The following TBC1D32 variants were observed in gnomAD, a reference collection of about 807,000 sequenced individuals.
TBC1D32 encodes TBC1 domain family member 32, also known as protein broad-minded.
In TBC1D32, 151 loss-of-function variants were observed where a neutral mutation model predicts 170.3. That is an observed-to-expected ratio of 0.89 (90% CI 0.78 to 1.01). The LOEUF (loss-of-function observed/expected upper bound fraction) is 1.01. Among genes scored for constraint, TBC1D32 ranks in the 50% least tolerant of loss-of-function variants. The pLI is 0.00. For missense variants in TBC1D32, 1,464 were observed against 1,457.1 expected, an observed-to-expected ratio of 1.00 and a Z score of -0.08; for synonymous variants, 498 against 488.0, an observed-to-expected ratio of 1.02 and a Z score of -0.27.
chr6:121,151,793 A>G (rs1784247464), intron 24 of TBC1D32, among the ~76,000 whole-genome samples: 1 of 152,148 alleles, frequency 6.6e-6, no homozygotes, highest in Admixed American at 6.5e-5. Flanking sequence ...GTTGGTTTAA[A>G]GTCTGTTTTA....
At chr6:121,115,901 T>C (rs183121127) in intron 26 of TBC1D32, among the ~76,000 whole-genome samples, 85 of 152,316 alleles carry the variant, frequency 5.6e-4, no homozygotes, top group Admixed American at 3.7e-3. Flanking sequence ...AGAAATAGCA[T>C]AGTACAGAGG....
At chr6:121,173,111 A>G (rs1019475331) in intron 22 of TBC1D32, among the ~76,000 whole-genome samples, 14 of 151,960 alleles carry the variant, frequency 9.2e-5, no homozygotes, top group Non-Finnish European at 7.4e-5. Context: ...AGGCAGATCC[A>G]CCCTCAGTCT....
intron 22 of TBC1D32, among the ~76,000 whole-genome samples, chr6:121,196,229 T>G (rs1827299): frequency 0.71 from 107,620 of 152,094 alleles, 42,081 homozygotes; most frequent in Non-Finnish European, 0.87. Flanking sequence ...AAGTGGCCAC[T>G]GTGGCAGGGA....
In TBC1D32 at chr6:121,325,172, A is replaced by G. The variant is rs148737626; in HGVS notation, c.156-3378T>C. ...AGTTGCAGTGAGCCGAGATTGTGCC[A>G]TTACACTCCAGCCTGGGTGACACAG... On this transcript the variant is annotated intron_variant, in intron 1 of 31. Transcript: ENST00000398212. Among the ~76,000 whole-genome samples the G allele has an allele frequency of 4.5e-3, 671 of 150,340 alleles. 2 individuals are homozygous for G. The highest frequency in any genetic ancestry group is 0.016 in the African/African-American group (648 of 40,576).
intron 1 of TBC1D32, among the ~76,000 whole-genome samples, chr6:121,328,070 T>C (rs1357806803): frequency 6.6e-6 from 1 of 152,214 alleles, no homozygotes; most frequent in Non-Finnish European, 1.5e-5. Flanking sequence ...TCCTATCCTT[T>C]CAGATCTTTA....
chr6:121,316,838 C>T (rs565703568), intron 3 of TBC1D32, among the ~76,000 whole-genome samples: 1 of 152,000 alleles, frequency 6.6e-6, no homozygotes, highest in South Asian at 2.1e-4. Context: ...ACTAAAAATA[C>T]CAGGTGAGAT....
At chr6:121,099,442 T>A (rs1450007561) in intron 30 of TBC1D32, among the ~76,000 whole-genome samples, 1 of 151,966 alleles carries the variant, frequency 6.6e-6, no homozygotes. Flanking sequence ...TCTTGCTACA[T>A]TTAATTTTTT....
intron 22 of TBC1D32, among the ~76,000 whole-genome samples, chr6:121,178,006 C>G (rs1488702739): frequency 6.6e-6 from 1 of 152,062 alleles, no homozygotes; most frequent in Non-Finnish European, 1.5e-5. Context: ...TTCCACATGC[C>G]TGGGGAAGAC....
intron 14 of TBC1D32, among the ~76,000 whole-genome samples, chr6:121,280,965 G>A (rs1802906299): frequency 6.6e-6 from 1 of 151,814 alleles, no homozygotes; most frequent in Non-Finnish European, 1.5e-5. Flanking sequence ...CCAAACTAGT[G>A]ACAATAGCAA....
At chr6:121,093,088 T>C (rs927408974) in intron 30 of TBC1D32, among the ~76,000 whole-genome samples, 4 of 152,134 alleles carry the variant, frequency 2.6e-5, no homozygotes, top group Non-Finnish European at 5.9e-5. Flanking sequence ...TAAATTAGAA[T>C]ATATCTATGA....
chr6:121,235,001 G>A (rs1796161990), intron 20 of TBC1D32, among the ~76,000 whole-genome samples: 1 of 150,452 alleles, frequency 6.6e-6, no homozygotes, highest in Non-Finnish European at 1.5e-5. Flanking sequence ...CCATCCAGCA[G>A]AGCTACCGGG....
chr6:121,307,898 G>GT, intron 5 of TBC1D32, 78 bp downstream of exon 5: 4 of 1,450,750 alleles, frequency 2.8e-6, no homozygotes, highest in Non-Finnish European at 3.7e-6. Context: ...GAAAACTATC[G>GT]TAACTATCAT....
Position 121,241,274 on chromosome 6 carries a change from C to T in TBC1D32, c.2245+191G>A, listed in dbSNP as rs541400238. Among the ~76,000 whole-genome samples the T allele has an allele frequency of 7.8e-4, 118 of 152,112 alleles. No homozygotes were observed. The Middle Eastern group carries it at 0.017, about 22-fold the overall frequency. The stretch of plus-strand genomic sequence containing the variant: ...TATATATATCACAGAAACACAAAAC[C>T]GTATTGGAATTTCATGGAAAAAGAA... On this transcript the variant is annotated intron_variant, in intron 19 of 31. Transcript: ENST00000398212.
intron 24 of TBC1D32, among the ~76,000 whole-genome samples, chr6:121,139,095 C>T (rs879598849): frequency 1.3e-5 from 2 of 152,148 alleles, no homozygotes; most frequent in Non-Finnish European, 1.5e-5. Flanking sequence ...GTCCGCCCGC[C>T]TCGGCCTCCC....
chr6:121,097,943 G>T (rs1358206817), intron 30 of TBC1D32, among the ~76,000 whole-genome samples: 1 of 151,604 alleles, frequency 6.6e-6, no homozygotes, highest in Non-Finnish European at 1.5e-5. Flanking sequence ...ACTAACACAA[G>T]AACAGAAAAC....
At chr6:121,219,882 G>A (rs1008665818) in intron 21 of TBC1D32, among the ~76,000 whole-genome samples, 7 of 152,058 alleles carry the variant, frequency 4.6e-5, no homozygotes, top group East Asian at 1.9e-4. Context: ...TAATTATTCC[G>A]TTATGAGGAC....
intron 27 of TBC1D32, among the ~76,000 whole-genome samples, chr6:121,114,888 G>C (rs1342834985): frequency 6.6e-6 from 1 of 152,094 alleles, no homozygotes; most frequent in African/African-American, 2.4e-5. Flanking sequence ...TTACCAACGT[G>C]CTGACTTTTA....
chr6:121,306,214 T>G lies in TBC1D32; in HGVS notation c.691-1381A>C, dbSNP rs1337093954. 3.3e-5 allele frequency among the ~76,000 whole-genome samples: 5 copies of G among 152,284 alleles called. No individual in the cohort carries two copies. The East Asian group carries it at 9.6e-4, about 29-fold the overall frequency. On this transcript the variant is annotated intron_variant, in intron 5 of 31. Transcript: ENST00000398212. ...AACAAGGTTGAACTGCATCCAAGTA[T>G]TAGGTAAACACCTTCCCTTTATGAG...
chr6:121,177,615 G>A (rs1787955208), intron 22 of TBC1D32, among the ~76,000 whole-genome samples: 4 of 152,096 alleles, frequency 2.6e-5, no homozygotes, highest in Admixed American at 2.6e-4. Flanking sequence ...TGCCTACATT[G>A]GTGGCTGAGA....
Sources: allele counts gnomAD v4.1 joint callset (sites outside exome capture counted in the v4.1 genomes callset), GRCh38; gene constraint gnomAD v4.1.1; transcripts MANE v1.5; gene names NCBI Gene and HGNC (gene_info 2026-07-23, HGNC 2026-07-21).